Variants in CDYL2 observed in about 807,000 individuals in gnomAD.
CDYL2 encodes the protein chromodomain Y-like protein 2.
Under a neutral mutation model 49.4 loss-of-function variants are expected in CDYL2, and 23 were observed. That is an observed-to-expected ratio of 0.47 (90% CI 0.34 to 0.66). The LOEUF is 0.66. Among genes scored for constraint, CDYL2 ranks in the 30% least tolerant of loss-of-function variants. CDYL2 has a pLI of 0.01. For missense variants in CDYL2, 678 were observed against 656.4 expected (o/e 1.03, Z -0.36); for synonymous variants, 360 against 268.8 (o/e 1.34, Z -3.32).
At chr16:80,672,479 AGAAAG>A (rs1567564767) in intron 2 of CDYL2, among the ~76,000 whole-genome samples, 1 of 150,552 alleles carries the variant, frequency 6.6e-6, no homozygotes, top group Non-Finnish European at 1.5e-5. Flanking sequence ...AGGAAAAGAA[AGAAAG>A]GAAAGAAAGA....
intron 1 of CDYL2, among the ~76,000 whole-genome samples, chr16:80,694,645 C>A (rs1910549972): frequency 6.6e-6 from 1 of 152,052 alleles, no homozygotes. Flanking sequence ...TGAGTTAGAG[C>A]ACACACATAT....
At chr16:80,637,899 G>A (rs1168049287) in intron 2 of CDYL2, among the ~76,000 whole-genome samples, 1 of 152,052 alleles carries the variant, frequency 6.6e-6, no homozygotes, top group Non-Finnish European at 1.5e-5. Flanking sequence ...ACTATTATAC[G>A]TAAATGTTAA....
intron 2 of CDYL2, among the ~76,000 whole-genome samples, chr16:80,674,790 T>A (rs1909674928): frequency 6.6e-6 from 1 of 152,254 alleles, no homozygotes; most frequent in African/African-American, 2.4e-5. Flanking sequence ...ACATCCGTCG[T>A]CTGGGAAGAC....
chr16:80,708,334 T>C (rs1489703345), intron 1 of CDYL2, among the ~76,000 whole-genome samples: 1 of 152,148 alleles, frequency 6.6e-6, no homozygotes, highest in Non-Finnish European at 1.5e-5. Context: ...TCTCAGGAGA[T>C]CTGATGGTCT....
At position 80,665,846 on chromosome 16, in the gene CDYL2, C is replaced by G. The variant is rs1909240076; in HGVS notation, c.616+18692G>C. On this transcript the variant is annotated intron_variant, in intron 2 of 6. Transcript: ENST00000570137. ...AAAGTCACAAAAGTAACAGAGTCCA[C>G]TGTCCTGCAACCCATTCTTTGTGAT... Among the ~76,000 whole-genome samples the G allele has an allele frequency of 3.3e-5, 5 of 152,220 alleles. No individual in the cohort carries two copies. In the South Asian group the frequency reaches 1.0e-3, roughly 32 times the overall value.
chr16:80,626,391 G>A (rs1907304226), intron 3 of CDYL2, among the ~76,000 whole-genome samples: 1 of 152,084 alleles, frequency 6.6e-6, no homozygotes, highest in Non-Finnish European at 1.5e-5. Context: ...GGTTGGTATG[G>A]CGTACAACTG....
In CDYL2 at chr16:80,604,253, G is replaced by T. The variant is rs1381366872; in HGVS notation, c.*135C>A. 2.0e-6 allele frequency: 2 copies of T among 979,878 alleles called. No individual in the cohort carries two copies. Among genetic ancestry groups the T allele is most frequent in the Non-Finnish European group, 3.0e-6 (2 of 656,314 alleles). 60.7% of individuals were successfully genotyped at this position (979,878 alleles called of 1,614,324 possible). On this transcript the variant is annotated 3_prime_UTR_variant, in exon 7 of 7. Transcript: ENST00000570137. ...ATCAAACCAAGGAGGAGCAACCAAAGGACACGAGGAAATGGACACAACCCT... is the reference window on the plus strand; with the variant it reads ...ATCAAACCAAGGAGGAGCAACCAAATGACACGAGGAAATGGACACAACCCT...
At chr16:80,717,566 A>G (rs998793467) in intron 1 of CDYL2, among the ~76,000 whole-genome samples, 2 of 152,168 alleles carry the variant, frequency 1.3e-5, no homozygotes, top group Non-Finnish European at 2.9e-5. Flanking sequence ...TTTAGGAACC[A>G]TGAAGAGAAA....
chr16:80,608,412 C>T (rs1906443440), intron 5 of CDYL2, among the ~76,000 whole-genome samples, 177 bp from the exon 6 acceptor site: 1 of 152,196 alleles, frequency 6.6e-6, no homozygotes, highest in Non-Finnish European at 1.5e-5. Context: ...TGTTCGTGTG[C>T]ATGAGCAGAA....
At chr16:80,636,282 T>A (rs909437191) in intron 2 of CDYL2, among the ~76,000 whole-genome samples, 2 of 152,078 alleles carry the variant, frequency 1.3e-5, no homozygotes, top group African/African-American at 4.8e-5. Flanking sequence ...ACCTACAGAA[T>A]GGGAGAAAAT....
intron 1 of CDYL2, among the ~76,000 whole-genome samples, chr16:80,694,866 C>A (rs1910558545): frequency 6.6e-6 from 1 of 152,038 alleles, no homozygotes; most frequent in Non-Finnish European, 1.5e-5. Flanking sequence ...TGAAAGTGCT[C>A]CAAATAAATA....
At chr16:80,731,645 G>C (rs879232753) in intron 1 of CDYL2, among the ~76,000 whole-genome samples, 3 of 152,104 alleles carry the variant, frequency 2.0e-5, no homozygotes, top group Non-Finnish European at 2.9e-5. Flanking sequence ...AATGGCTTCA[G>C]ATTTCTCAAC....
intron 1 of CDYL2, among the ~76,000 whole-genome samples, chr16:80,722,587 G>C (rs1378906539): frequency 1.3e-5 from 2 of 152,120 alleles, no homozygotes; most frequent in African/African-American, 2.4e-5. Flanking sequence ...AGTTTTCTTA[G>C]GCCTATTTTA....
At chr16:80,640,749 T>C (rs1045956763) in intron 2 of CDYL2, among the ~76,000 whole-genome samples, 3 of 152,072 alleles carry the variant, frequency 2.0e-5, no homozygotes, top group South Asian at 2.1e-4. Context: ...AACACGGAGA[T>C]TGAAATAATT....
chr16:80,791,598 GAAGT>G (rs1597135667), intron 1 of CDYL2, among the ~76,000 whole-genome samples: 1 of 152,314 alleles, frequency 6.6e-6, no homozygotes, highest in East Asian at 1.9e-4. Context: ...GCTGAGATCT[GAAGT>G]GAGTAGGAAT....
chr16:80,704,274 ATAT>A (rs780623171), intron 1 of CDYL2, among the ~76,000 whole-genome samples: 1 of 152,222 alleles, frequency 6.6e-6, no homozygotes, highest in Non-Finnish European at 1.5e-5. Flanking sequence ...TGGCAAATTG[ATAT>A]TCTTCTTCTT....
chr16:80,763,960 GA>G (rs1419998491), intron 1 of CDYL2, among the ~76,000 whole-genome samples: 1 of 152,042 alleles, frequency 6.6e-6, no homozygotes, highest in East Asian at 1.9e-4. Context: ...GGTAGAGAGG[GA>G]AAGAGGGGTA....
At chr16:80,713,620 T>A in intron 1 of CDYL2, among the ~76,000 whole-genome samples, 1 of 152,156 alleles carries the variant, frequency 6.6e-6, no homozygotes, top group East Asian at 1.9e-4. Flanking sequence ...GATGAACACA[T>A]TAAGATCTCC....
At chr16:80,700,910 A>T (rs763459346) in intron 1 of CDYL2, among the ~76,000 whole-genome samples, 1 of 152,256 alleles carries the variant, frequency 6.6e-6, no homozygotes, top group African/African-American at 2.4e-5. Context: ...ACAGCAACAG[A>T]GCAGGCCATG....
Sources: allele counts gnomAD v4.1 joint callset (sites outside exome capture counted in the v4.1 genomes callset), GRCh38; gene constraint gnomAD v4.1.1; transcripts MANE v1.5; gene names NCBI Gene and HGNC (gene_info 2026-07-23, HGNC 2026-07-21).